The following AGFG2 variants were observed in gnomAD, a reference collection of about 807,000 sequenced individuals.
The protein encoded by AGFG2 is arf-GAP domain and FG repeat-containing protein 2.
A neutral mutation model predicts 48.0 loss-of-function variants in AGFG2; 31 were observed. That is an observed-to-expected ratio of 0.65 (90% CI 0.49 to 0.87). The LOEUF is 0.87. Among genes scored for constraint, AGFG2 ranks in the 40% least tolerant of loss-of-function variants. The pLI is 0.00. For missense variants in AGFG2, 599 were observed against 632.6 expected (o/e 0.95, Z 0.57); for synonymous variants, 229 against 260.8 (o/e 0.88, Z 1.18).
rs577955527 is a variant in AGFG2, at chr7:100,554,256, G to T, written c.749G>T (p.Gly250Val). The T allele has an allele frequency of 3.1e-6, 5 of 1,611,298 alleles. No homozygotes were observed. Among genetic ancestry groups the T allele is most frequent in the Non-Finnish European group, 4.2e-6 (5 of 1,178,526 alleles). ...GCTTTTGCTGCATTCCCTGCCTTTGGGGGTAAGTGGGTTTTGGGATGGGAC... is the reference window on the plus strand; with the variant it reads ...GCTTTTGCTGCATTCCCTGCCTTTGTGGGTAAGTGGGTTTTGGGATGGGAC... ...APAFAAFPAF[G>V]GQTPSQGGFA... is the part of the protein sequence containing the mutation. The change falls in exon 5 of 12, where the codon GGG becomes GTG. Residue 250 changes from glycine to valine, a missense_variant and splice_region_variant. Coordinates refer to ENST00000300176, the MANE Select transcript of AGFG2 (RefSeq NM_006076.5).
chr7:100,560,710 C>G (rs1800848038), intron 6 of AGFG2, among the ~76,000 whole-genome samples: 1 of 151,954 alleles, frequency 6.6e-6, no homozygotes, highest in Non-Finnish European at 1.5e-5. Context: ...CAGGTAGGCA[C>G]TGGGCACTTC....
intron 2 of AGFG2, among the ~76,000 whole-genome samples, chr7:100,549,408 G>T (rs1800579534): frequency 6.6e-6 from 1 of 152,182 alleles, no homozygotes; most frequent in Admixed American, 6.5e-5. Flanking sequence ...TACTTAGAGG[G>T]TATCCTCAAG....
chr7:100,542,607 A>T (rs1373094819), intron 1 of AGFG2, among the ~76,000 whole-genome samples: 1 of 152,216 alleles, frequency 6.6e-6, no homozygotes, highest in African/African-American at 2.4e-5. Context: ...GTCTTAACAC[A>T]GTATTACCTG....
Position 100,562,655 on chromosome 7 carries a change from G to T in AGFG2, c.1060G>T (p.Gly354Cys). ...LQSVTMGGGG[G>C]SSTGLAFGAF... ...GTCTGTCACGATGGGCGGCGGCGGC[G>T]GCAGCAGCACAGGGCTGGCCTTTGG... Residue 354 changes from glycine to cysteine, a missense_variant, in exon 8 of 12, where the codon GGC becomes TGC. Physicochemically the swap from Gly to Cys is radical, Grantham distance 159. Coordinates refer to ENST00000300176, the MANE Select transcript of AGFG2 (RefSeq NM_006076.5). This position sits in a 1 kb window ranked among gnomAD's most constrained non-coding sequence, Gnocchi z 5.4. The T allele has an allele frequency of 6.2e-7, 1 of 1,609,390 alleles. No individual in the cohort carries two copies.
intron 1 of AGFG2, among the ~76,000 whole-genome samples, chr7:100,546,825 G>C (rs905274656): frequency 2.0e-5 from 3 of 152,192 alleles, no homozygotes; most frequent in African/African-American, 7.2e-5. Context: ...CCTTAGGAGA[G>C]AGAATGGACT....
intron 4 of AGFG2, 137 bp downstream of exon 4, chr7:100,553,637 T>C: frequency 9.6e-7 from 1 of 1,036,794 alleles, no homozygotes; most frequent in Admixed American, 3.1e-5. Context: ...GCTGTTAACC[T>C]GTATCTTGTA....
At chr7:100,554,412 A>ATATT (rs1800716665) in intron 5 of AGFG2, among the ~76,000 whole-genome samples, 154 bp downstream of exon 5, 1 of 152,216 alleles carries the variant, frequency 6.6e-6, no homozygotes, top group African/African-American at 2.4e-5. Flanking sequence ...CTGGGGTCAA[A>ATATT]TAAGTACAGC....
intron 6 of AGFG2, among the ~76,000 whole-genome samples, chr7:100,558,087 G>T (rs1328122572): frequency 6.6e-6 from 1 of 151,992 alleles, no homozygotes; most frequent in Non-Finnish European, 1.5e-5. Context: ...GGTGGCAGGC[G>T]CCTGTAATAG....
rs144278960 is a variant in AGFG2 at position 100,562,639 on chromosome 7, G to T, written c.1044G>T (p.Thr348=). ...AGGTCCCCCCGCTCCAGTCTGTCACGATGGGCGGCGGCGGCGGCAGCAGCA... is the reference window on the plus strand; with the variant it reads ...AGGTCCCCCCGCTCCAGTCTGTCACTATGGGCGGCGGCGGCGGCAGCAGCA... ...AGQVPPLQSV[T]MGGGGGSSTG... The change falls in exon 8 of 12, where the codon ACG becomes ACT. Residue 348 remains threonine (T), a synonymous_variant. Transcript: ENST00000300176. The surrounding 1 kb of genome is among the most constrained non-coding windows in gnomAD (Gnocchi z 5.4). The T allele has an allele frequency of 1.9e-6, 3 of 1,611,774 alleles. No individual in the cohort carries two copies. The East Asian group carries it at 6.7e-5, about 36-fold the overall frequency.
intron 3 of AGFG2, among the ~76,000 whole-genome samples, chr7:100,551,096 G>T (rs1298002833): frequency 8.8e-6 from 1 of 113,958 alleles, no homozygotes; most frequent in Admixed American, 9.5e-5. Context: ...TTGAGACAGA[G>T]TCTCGCTCTG....
chr7:100,556,577 T>A (rs1001823452), intron 6 of AGFG2: 38 of 1,288,934 alleles, frequency 2.9e-5, no homozygotes, highest in Non-Finnish European at 3.6e-5. Context: ...CCTTCTCTTC[T>A]CCACCCTCAC....
At chr7:100,550,090 C>T (rs1033732765) in intron 2 of AGFG2, among the ~76,000 whole-genome samples, 3 of 152,144 alleles carry the variant, frequency 2.0e-5, no homozygotes, top group Admixed American at 1.3e-4. Context: ...GGGCAGATAA[C>T]GAGGTCAAGA....
chr7:100,542,476 T>TA (rs1242738877), intron 1 of AGFG2, among the ~76,000 whole-genome samples: 26 of 152,186 alleles, frequency 1.7e-4, no homozygotes, highest in Non-Finnish European at 3.5e-4. Flanking sequence ...GTTAGGCCAG[T>TA]AAATGAAGCT....
chr7:100,555,841 A>G, intron 6 of AGFG2, 106 bp downstream of exon 6: 1 of 1,469,064 alleles, frequency 6.8e-7, no homozygotes, highest in Admixed American at 2.0e-5. Context: ...TGCTCAAAGC[A>G]GCAAAGCACA....
intron 2 of AGFG2, among the ~76,000 whole-genome samples, chr7:100,549,594 T>G (rs1210410663): frequency 6.6e-6 from 1 of 152,238 alleles, no homozygotes; most frequent in African/African-American, 2.4e-5. Context: ...CCCCATTGGA[T>G]TATAAACTCT....
At position 100,562,827 on chromosome 7, in the gene AGFG2, C is replaced by T. The variant is rs1306710158; in HGVS notation, c.1088-36C>T. 7 of 1,610,296 alleles carry T rather than the reference C, an allele frequency of 4.3e-6. No individual in the cohort carries two copies. The East Asian group carries it at 6.7e-5, about 15-fold the overall frequency. On this transcript the variant is annotated intron_variant, in intron 8 of 11. Transcript: ENST00000300176. The surrounding 1 kb of genome is among the most constrained non-coding windows in gnomAD (Gnocchi z 5.4). Reference sequence around the variant, plus strand: ...CACGTGAGAAAAAAAGTAACCATCTCTCTCTTTCCTGCCGCTCCCCATTCC... The same window carrying T: ...CACGTGAGAAAAAAAGTAACCATCTTTCTCTTTCCTGCCGCTCCCCATTCC...
At position 100,565,189 on chromosome 7, in the gene AGFG2, C is replaced by G. The variant is rs575145835; in HGVS notation, c.*198C>G. On this transcript the variant is annotated 3_prime_UTR_variant, in exon 12 of 12. Coordinates refer to ENST00000300176, the MANE Select transcript of AGFG2 (RefSeq NM_006076.5). ...TCTCTCCCCTCCCTCGTCCCACCCC[C>G]ACCCAGGCAGGAAGCCCAGGAGGAG... is the stretch of plus-strand genomic sequence containing the variant. 8 of 641,644 alleles carry G rather than the reference C, an allele frequency of 1.2e-5. No homozygotes were observed. The highest frequency in any genetic ancestry group is 5.5e-5 in the African/African-American group (3 of 54,738). 39.7% of individuals were successfully genotyped at this position (641,644 alleles called of 1,614,324 possible).
At chr7:100,543,943 C>G (rs1800468326) in intron 1 of AGFG2, among the ~76,000 whole-genome samples, 1 of 152,306 alleles carries the variant, frequency 6.6e-6, no homozygotes, top group Non-Finnish European at 1.5e-5. Context: ...TACACATATG[C>G]TTGTTTGTTT....
Position 100,555,719 on chromosome 7 carries a change from C to T in AGFG2, c.861C>T (p.Ala287=). The T allele has an allele frequency of 6.2e-7, 1 of 1,614,074 alleles. No individual in the cohort carries two copies. The highest frequency in any genetic ancestry group is 8.5e-7 in the Non-Finnish European group (1 of 1,179,968). ...LPPAGQASFQ[A]QPTPAGSSQG... is the part of the protein sequence containing the mutation. ...CAGCTGGTCAAGCCTCGTTCCAGGCCCAGCCAACTCCTGCAGGTAAACTCT... is the reference window on the plus strand; with the variant it reads ...CAGCTGGTCAAGCCTCGTTCCAGGCTCAGCCAACTCCTGCAGGTAAACTCT... Residue 287 remains alanine (A), a synonymous_variant, in exon 6 of 12, where the codon GCC becomes GCT. Transcript: ENST00000300176.
Sources: gnomAD v4.1 joint callset for allele counts (sites outside exome capture counted in the v4.1 genomes callset) on GRCh38, gnomAD v4.1.1 for gene constraint, Gnocchi (gnomAD v3.1) non-coding constraint, MANE v1.5 for transcripts, NCBI Gene and HGNC (gene_info 2026-07-23, HGNC 2026-07-21) for gene names.